QTMAN: variants seen among roughly 807,000 people sequenced by gnomAD.
The protein encoded by QTMAN is tRNA-queuosine alpha-mannosyltransferase.
the QTMAN span, chr2:144,005,936 A>G: frequency 6.6e-6 from 1 of 152,126 alleles, no homozygotes; most frequent in Admixed American, 6.6e-5. Flanking sequence ...CCTGCAATAA[A>G]TAGTACTTCA....
chr2:144,145,690 G>A, the QTMAN span: 94 of 1,611,478 alleles, frequency 5.8e-5, no homozygotes, highest in East Asian at 1.6e-3. Context: ...AGGTCAGGCC[G>A]AAGGGCAGCC....
the QTMAN span, among the ~76,000 whole-genome samples, chr2:144,182,852 T>TATATATATAATATATATATA: frequency 3.3e-5 from 2 of 60,204 alleles, no homozygotes; most frequent in African/African-American, 1.5e-4. Flanking sequence ...ATATATATAT[T>TATATATATAATATATATATA]TTATATATAA....
At chr2:143,999,560 T>C in the QTMAN span, among the ~76,000 whole-genome samples, 1 of 152,084 alleles carries the variant, frequency 6.6e-6, no homozygotes, top group South Asian at 2.1e-4. Context: ...CATAAAAATA[T>C]ATAGCAAAGA....
At chr2:144,262,912 AGGAGAGGGGAGAGG>A in the QTMAN span, among the ~76,000 whole-genome samples, 1 of 75,968 alleles carries the variant, frequency 1.3e-5, no homozygotes, top group African/African-American at 5.4e-5. Context: ...GTGAGATGGG[AGGAGAGGGGAGAGG>A]GGAGAGGGAA....
the QTMAN span, chr2:143,951,908 A>AT: frequency 1.3e-6 from 1 of 757,476 alleles, no homozygotes; most frequent in Non-Finnish European, 2.3e-6. Flanking sequence ...TGTTAATTAA[A>AT]TGTTTTTTTT....
At chr2:144,201,956 A>G in the QTMAN span, among the ~76,000 whole-genome samples, 3 of 152,320 alleles carry the variant, frequency 2.0e-5, no homozygotes, top group Admixed American at 6.5e-5. Flanking sequence ...TTAGAAAGAC[A>G]TAAGGATGAA....
the QTMAN span, among the ~76,000 whole-genome samples, chr2:144,133,141 ATAT>A: frequency 4.1e-5 from 2 of 48,812 alleles, no homozygotes; most frequent in African/African-American, 1.3e-4. Context: ...ATATATATAT[ATAT>A]ATATATAATA....
chr2:144,162,414 C>T, the QTMAN span, among the ~76,000 whole-genome samples: 1 of 152,122 alleles, frequency 6.6e-6, no homozygotes, highest in Non-Finnish European at 1.5e-5. Flanking sequence ...AGAAGTCTTG[C>T]TCAGAATTTA....
chr2:144,034,525 T>C, the QTMAN span, among the ~76,000 whole-genome samples: 2 of 152,284 alleles, frequency 1.3e-5, no homozygotes, highest in Admixed American at 1.3e-4. Flanking sequence ...AAAAATGAGA[T>C]TGCAAGAGAA....
the QTMAN span, chr2:144,006,434 T>C: frequency 4.6e-5 from 7 of 152,080 alleles, no homozygotes; most frequent in Non-Finnish European, 1.0e-4. Context: ...AAAGAGACCA[T>C]AATCTGTGGG....
At chr2:144,110,658 C>T in the QTMAN span, among the ~76,000 whole-genome samples, 1 of 141,190 alleles carries the variant, frequency 7.1e-6, no homozygotes, top group African/African-American at 2.5e-5. Context: ...TTCTTCTCCA[C>T]ATAACAGAAG....
At chr2:144,044,691 C>G in the QTMAN span, among the ~76,000 whole-genome samples, 1 of 151,968 alleles carries the variant, frequency 6.6e-6, no homozygotes, top group Non-Finnish European at 1.5e-5. Flanking sequence ...GAAAACATAC[C>G]ATATGCAGTA....
At chr2:143,979,849 C>T in the QTMAN span, among the ~76,000 whole-genome samples, 1 of 152,210 alleles carries the variant, frequency 6.6e-6, no homozygotes, top group African/African-American at 2.4e-5. Context: ...TGACATCTAG[C>T]TCTTTCTGTA....
the QTMAN span, among the ~76,000 whole-genome samples, chr2:144,092,896 T>TGTGC: frequency 6.6e-6 from 1 of 151,744 alleles, no homozygotes; most frequent in African/African-American, 2.4e-5. Flanking sequence ...TGTGTGTGTG[T>TGTGC]GTGTGTGTGT....
the QTMAN span, among the ~76,000 whole-genome samples, chr2:144,296,456 G>C: frequency 6.6e-6 from 1 of 151,884 alleles, no homozygotes; most frequent in Non-Finnish European, 1.5e-5. Flanking sequence ...GTTCATTTAG[G>C]ACAAAGTTAC....
At chr2:144,252,793 T>G in the QTMAN span, among the ~76,000 whole-genome samples, 1 of 152,186 alleles carries the variant, frequency 6.6e-6, no homozygotes, top group East Asian at 1.9e-4. Flanking sequence ...AAAACCTGCA[T>G]GCAAATGTTT....
the QTMAN span, among the ~76,000 whole-genome samples, chr2:144,029,913 TGTGA>T: frequency 9.0e-4 from 137 of 152,240 alleles, no homozygotes; most frequent in African/African-American, 2.9e-3. Context: ...ATAGCGTGAG[TGTGA>T]GTGTGTGTGT....
chr2:144,113,029 TCATAA>T, the QTMAN span, among the ~76,000 whole-genome samples: 125 of 152,208 alleles, frequency 8.2e-4, no homozygotes, highest in African/African-American at 2.8e-3. Context: ...ATCCAGAGTC[TCATAA>T]CATAAGATCC....
chr2:144,077,666 T>A, the QTMAN span, among the ~76,000 whole-genome samples: 30 of 152,354 alleles, frequency 2.0e-4, no homozygotes, highest in African/African-American at 6.5e-4. Context: ...TATATATGTA[T>A]GTGCCTGTGT....
Sources: allele counts gnomAD v4.1 joint callset (sites outside exome capture counted in the v4.1 genomes callset), GRCh38; gene constraint gnomAD v4.1.1; transcripts MANE v1.5; gene names NCBI Gene and HGNC (gene_info 2026-07-23, HGNC 2026-07-21).